The following ALDH3B2 variants were observed in gnomAD, a reference collection of about 807,000 sequenced individuals.
The protein encoded by ALDH3B2 is aldehyde dehydrogenase 3 family member B2.
Under a neutral mutation model 36.7 loss-of-function variants are expected in ALDH3B2, and 45 were observed. That is an observed-to-expected ratio of 1.23 (90% CI 0.97 to 1.57). ALDH3B2 has a LOEUF of 1.57. Ranked by LOEUF, ALDH3B2 falls within the 40% of genes most tolerant of loss-of-function variation. ALDH3B2 has a pLI of 0.00. For synonymous variants in ALDH3B2, 217 were observed against 226.5 expected (o/e 0.96, Z 0.38); for missense variants, 464 against 513.3 (o/e 0.90, Z 0.93).
chr11:67,664,284 C>G, intron 8 of ALDH3B2, 112 bp downstream of exon 8: 1 of 1,528,260 alleles, frequency 6.5e-7, no homozygotes, highest in Admixed American at 1.7e-5. Context: ...ATATAGTCAC[C>G]CTTGAGGCAT....
At chr11:67,667,475 T>G in exon 2 of ALDH3B2, 2 of 377,108 alleles carry the variant, frequency 5.3e-6, no homozygotes, top group East Asian at 4.4e-5. Flanking sequence ...CGGCCCACCT[T>G]ATGCAGGTCC....
upstream of ALDH3B2, among the ~76,000 whole-genome samples, chr11:67,679,689 G>A (rs1441358451): frequency 6.7e-6 from 1 of 149,240 alleles, no homozygotes; most frequent in Non-Finnish European, 1.5e-5. Flanking sequence ...TGAGGCAGGA[G>A]AATGGCGTGA....
At chr11:67,663,259 G>T in exon 10 of ALDH3B2, 1 of 1,613,812 alleles carries the variant, frequency 6.2e-7, no homozygotes, top group African/African-American at 1.3e-5. Flanking sequence ...CAGCGTAACA[G>T]CTGCTGGTTC....
At chr11:67,669,848 G>A (rs571503778) in intron 1 of ALDH3B2, among the ~76,000 whole-genome samples, 16 of 141,814 alleles carry the variant, frequency 1.1e-4, no homozygotes, top group African/African-American at 3.8e-4. Flanking sequence ...GTGTATGGGT[G>A]TGTGTGTCCA....
upstream of ALDH3B2, among the ~76,000 whole-genome samples, chr11:67,678,468 C>T (rs28887499): frequency 2.0e-3 from 308 of 152,236 alleles, no homozygotes; most frequent in Admixed American, 4.4e-3. Flanking sequence ...CAAAAATCAA[C>T]TCAGGATGGA....
chr11:67,669,814 CTGTG>C (rs1379467006), intron 1 of ALDH3B2, among the ~76,000 whole-genome samples: 32 of 43,758 alleles, frequency 7.3e-4, no homozygotes, highest in Admixed American at 2.0e-3. Context: ...CCACGTGTGT[CTGTG>C]TGTGTATGGG....
chr11:67,674,485 TC>T lies in ALDH3B2; in HGVS notation c.-294del, dbSNP rs1418821790. ...TCCTTCGCTGCACCTCCACTCCCTT[TC>T]TTGGACATGCTGCCTCCAGATGCGC... On this transcript the variant is annotated 5_prime_UTR_variant, in exon 1 of 10. The change abolishes the stop of an existing upstream ORF in the 5' untranslated region. Coordinates refer to ENST00000349015, the Ensembl canonical transcript of ALDH3B2. 1 of 154,738 alleles carries T rather than the reference TC, an allele frequency of 6.5e-6. No homozygotes were observed. The highest frequency in any genetic ancestry group is 1.4e-5 in the Non-Finnish European group (1 of 69,804). 9.6% of individuals were successfully genotyped at this position (154,738 alleles called of 1,614,324 possible). A position where few individuals can be genotyped will look rare whatever the true frequency, so the allele number is the denominator to read the frequency against.
At chr11:67,666,758 C>A in intron 3 of ALDH3B2, 64 bp from the exon 4 acceptor site, 2 of 1,609,526 alleles carry the variant, frequency 1.2e-6, no homozygotes, top group Non-Finnish European at 1.7e-6. Flanking sequence ...CCACTGCACA[C>A]TTGGGGCCTC....
intron 3 of ALDH3B2, 60 bp from the exon 4 acceptor site, chr11:67,666,754 C>T (rs1461572806): frequency 1.2e-6 from 2 of 1,609,872 alleles, no homozygotes; most frequent in Non-Finnish European, 1.7e-6. Context: ...CCACCCACTG[C>T]ACACTTGGGG....
chr11:67,665,043 C>T (rs555974878), intron 7 of ALDH3B2, among the ~76,000 whole-genome samples: 276 of 152,306 alleles, frequency 1.8e-3, no homozygotes, highest in African/African-American at 6.3e-3. Context: ...GCACGCTGGG[C>T]CCTGGAGCCC....
rs774970209 is a variant in ALDH3B2, at chr11:67,666,567, T to A, written c.151+7A>T. On this transcript the variant is annotated splice_region_variant and intron_variant, in intron 4 of 9. Coordinates refer to ENST00000349015, the Ensembl canonical transcript of ALDH3B2. ...GGAGAGCATGGGGTTCGGAACGCCC[T>A]CCTCACCTGCGGCGAGGGCGCCCAC... 3.1e-6 allele frequency: 5 copies of A among 1,613,682 alleles called. No individual in the cohort carries two copies. In the African/African-American group the frequency reaches 6.7e-5, roughly 22 times the overall value.
At chr11:67,678,360 A>G (rs915998854), upstream of ALDH3B2, among the ~76,000 whole-genome samples, 5 of 152,134 alleles carry the variant, frequency 3.3e-5, no homozygotes, top group Admixed American at 3.3e-4. Context: ...ACAAAAACAT[A>G]AAGTGGGGAA....
At chr11:67,667,112 G>A in intron 2 of ALDH3B2, 96 bp from the exon 3 acceptor site, 2 of 682,880 alleles carry the variant, frequency 2.9e-6, no homozygotes, top group East Asian at 2.7e-5. Flanking sequence ...CACCACCACT[G>A]GACATATAAA....
intron 2 of ALDH3B2, 93 bp downstream of exon 2, chr11:67,667,380 G>T: frequency 2.8e-6 from 1 of 352,646 alleles, no homozygotes; most frequent in East Asian, 4.8e-5. Context: ...ATAAAACTAG[G>T]GACATAGCCA....
chr11:67,663,311 C>G (rs1464051593), exon 10 of ALDH3B2: 5 of 1,614,148 alleles, frequency 3.1e-6, no homozygotes, highest in Non-Finnish European at 4.2e-6. Flanking sequence ...TTAATTTCTC[C>G]AGGCCGGAGG....
At chr11:67,671,549 T>G (rs1201536963) in intron 1 of ALDH3B2, among the ~76,000 whole-genome samples, 13 of 145,890 alleles carry the variant, frequency 8.9e-5, no homozygotes, top group African/African-American at 3.3e-4. Flanking sequence ...CTCCCCCCCC[T>G]TTTTTTTTTT....
intron 6 of ALDH3B2, 37 bp from the exon 7 acceptor site, chr11:67,665,708 A>T: frequency 6.4e-7 from 1 of 1,574,402 alleles, no homozygotes; most frequent in East Asian, 2.2e-5. Context: ...CCAGTCAGTG[A>T]CCTGGACCAG....
At chr11:67,663,603 C>T (rs901414022) in intron 9 of ALDH3B2, 59 bp downstream of exon 9, 1 of 1,524,464 alleles carries the variant, frequency 6.6e-7, no homozygotes, top group Non-Finnish European at 9.0e-7. Context: ...GAAGGGACTT[C>T]CTGGGTCTGG....
At chr11:67,669,798 G>C (rs111169981) in intron 1 of ALDH3B2, among the ~76,000 whole-genome samples, 216 of 130,854 alleles carry the variant, frequency 1.7e-3, no homozygotes, top group African/African-American at 5.9e-3. Flanking sequence ...GTATGGGTGT[G>C]TGTGTCCACG....
Sources: allele counts gnomAD v4.1 joint callset (sites outside exome capture counted in the v4.1 genomes callset), GRCh38; gene constraint gnomAD v4.1.1; transcripts MANE v1.5; gene names NCBI Gene and HGNC (gene_info 2026-07-23, HGNC 2026-07-21).